NEK10: variants seen among roughly 807,000 people sequenced by gnomAD.
The protein encoded by NEK10 is NIMA related kinase 10, also known as serine/threonine-protein kinase Nek10.
In NEK10, 122 loss-of-function variants were observed where a neutral mutation model predicts 159.8. The ratio of observed to expected loss-of-function variants is 0.76; its 90% CI spans 0.66 to 0.89. The LOEUF is 0.89. Ranked by LOEUF, NEK10 falls within the 40% of genes least tolerant of loss-of-function variation. NEK10 has a pLI of 0.00. For missense variants in NEK10, 1,342 were observed against 1,323.1 expected, an observed-to-expected ratio of 1.01 and a Z score of -0.22; for synonymous variants, 466 against 457.1, an observed-to-expected ratio of 1.02 and a Z score of -0.25.
Position 27,284,859 on chromosome 3 carries a change from A to T in NEK10, c.1892T>A (p.Leu631Gln), listed in dbSNP as rs1225846548. The change falls in exon 21 of 36, where the codon CTA becomes CAA. Residue 631 changes from leucine to glutamine, a missense_variant. Physicochemically the swap from Leu to Gln is moderately radical, Grantham distance 113 (BLOSUM62 -2). Transcript: ENST00000691995. ...GCATACCTGTATAAATATTTTCCATAGTCTTTCTTCAGTAAAATGGTGATG... is the reference window on the plus strand; with the variant it reads ...GCATACCTGTATAAATATTTTCCATTGTCTTTCTTCAGTAAAATGGTGATG... The part of the protein sequence containing the change: ...EKHHHFTEER[L>Q]WKIFIQLCLA... 4 of 1,584,860 alleles carry T rather than the reference A, an allele frequency of 2.5e-6. No individual in the cohort carries two copies. In the South Asian group the frequency reaches 4.4e-5, roughly 18 times the overall value.
At chr3:27,280,087 C>T (rs1188802980) in intron 22 of NEK10, among the ~76,000 whole-genome samples, 1 of 112,370 alleles carries the variant, frequency 8.9e-6, no homozygotes, top group African/African-American at 4.3e-5. Flanking sequence ...CTCAAACCCC[C>T]TAAAATGGAA....
At chr3:27,201,262 G>C (rs890884363) in intron 25 of NEK10, among the ~76,000 whole-genome samples, 4 of 152,080 alleles carry the variant, frequency 2.6e-5, no homozygotes, top group Admixed American at 6.6e-5. Context: ...GTGTTTTACA[G>C]GTTGTTACAA....
intron 11 of NEK10, 137 bp from the exon 12 acceptor site, chr3:27,305,108 G>T: frequency 1.6e-6 from 1 of 628,408 alleles, no homozygotes. Flanking sequence ...GCCATTTTCT[G>T]TAAGGAGCCC....
At chr3:27,177,016 TC>T (rs1947565045) in intron 26 of NEK10, among the ~76,000 whole-genome samples, 1 of 151,672 alleles carries the variant, frequency 6.6e-6, no homozygotes, top group Non-Finnish European at 1.5e-5. Flanking sequence ...GAAGCTGGAG[TC>T]CCCGCTGAAA....
In NEK10 at chr3:27,337,323, A is replaced by G. The variant is rs140741813; in HGVS notation, c.362+6949T>C. 3.3e-5 allele frequency among the ~76,000 whole-genome samples: 5 copies of G among 152,326 alleles called. No homozygotes were observed. The East Asian group carries it at 9.6e-4, about 29-fold the overall frequency. ...AAAACACTGATGAAAGAAACTAAGG[A>G]GGACACAAAGGAAAGACATTCCATG... On this transcript the variant is annotated intron_variant, in intron 5 of 35. Coordinates refer to ENST00000691995, the MANE Select transcript of NEK10 (RefSeq NM_001394966.1).
intron 3 of NEK10, among the ~76,000 whole-genome samples, chr3:27,351,772 C>A (rs1174860053): frequency 6.6e-6 from 1 of 151,970 alleles, no homozygotes. Context: ...AAGTCCCATC[C>A]CTTCCATTTA....
intron 22 of NEK10, among the ~76,000 whole-genome samples, chr3:27,264,882 G>A (rs115720136): frequency 0.025 from 3,732 of 146,576 alleles, 156 homozygotes; most frequent in African/African-American, 0.091. Context: ...CAACATGAGC[G>A]AAAATCAGTC....
At chr3:27,271,475 G>A (rs1479233809) in intron 22 of NEK10, among the ~76,000 whole-genome samples, 1 of 152,014 alleles carries the variant, frequency 6.6e-6, no homozygotes. Flanking sequence ...TAATGCTTTG[G>A]CTTTTCTTTC....
intron 30 of NEK10, among the ~76,000 whole-genome samples, chr3:27,153,078 T>G (rs1200688501): frequency 1.3e-5 from 2 of 151,984 alleles, no homozygotes; most frequent in African/African-American, 4.8e-5. Context: ...TCCCAGCACT[T>G]TGGGAGGCCA....
intron 5 of NEK10, among the ~76,000 whole-genome samples, chr3:27,343,894 G>C (rs1005572342): frequency 6.6e-6 from 1 of 152,194 alleles, no homozygotes; most frequent in Admixed American, 6.5e-5. Context: ...CAAGATCAAG[G>C]CTTGCGCAGT....
At chr3:27,134,344 T>C (rs138263964) in intron 31 of NEK10, among the ~76,000 whole-genome samples, 2 of 152,198 alleles carry the variant, frequency 1.3e-5, no homozygotes, top group African/African-American at 4.8e-5. Flanking sequence ...GCACCAAAAG[T>C]TGCCACTTCC....
At chr3:27,363,649 G>T (rs1263494313) in intron 1 of NEK10, 2 of 152,126 alleles carry the variant, frequency 1.3e-5, no homozygotes, top group Non-Finnish European at 2.9e-5. Flanking sequence ...ACAAAGAAAA[G>T]AATATAAAGT....
chr3:27,150,933 CCCT>C (rs1458438689), intron 30 of NEK10, among the ~76,000 whole-genome samples: 1 of 152,158 alleles, frequency 6.6e-6, no homozygotes, highest in African/African-American at 2.4e-5. Context: ...GATTCACAGA[CCCT>C]CTGAAGGAAG....
chr3:27,304,776 G>C lies in NEK10; in HGVS notation c.999C>G (p.Gly333=). ...ETSVEIRIWG[G]IKQLLHILQG... ...GTAAAATATGAAGAAGCTGTTTGATGCCTCCCCAAATGCGAATTTCCACGC... is the reference window on the plus strand; with the variant it reads ...GTAAAATATGAAGAAGCTGTTTGATCCCTCCCCAAATGCGAATTTCCACGC... Residue 333 remains glycine (G), a synonymous_variant, in exon 12 of 36, where the codon GGC becomes GGG. Coordinates refer to ENST00000691995, the MANE Select transcript of NEK10 (RefSeq NM_001394966.1). The C allele has an allele frequency of 1.2e-6, 2 of 1,613,408 alleles. No individual in the cohort carries two copies. Among genetic ancestry groups the C allele is most frequent in the South Asian group, 2.2e-5 (2 of 91,074 alleles).
chr3:27,255,892 A>G (rs1478668023), intron 23 of NEK10, among the ~76,000 whole-genome samples: 1 of 152,184 alleles, frequency 6.6e-6, no homozygotes, highest in Admixed American at 6.5e-5. Context: ...CCTGCACTTG[A>G]ATGTTTATAG....
intron 5 of NEK10, among the ~76,000 whole-genome samples, chr3:27,331,262 A>AAAAAACACAC: frequency 9.1e-6 from 1 of 110,080 alleles, no homozygotes; most frequent in African/African-American, 2.9e-5. Context: ...AAAAAAAAAA[A>AAAAAACACAC]ACACACAAAC....
At chr3:27,332,650 A>G (rs950102053) in intron 5 of NEK10, among the ~76,000 whole-genome samples, 3 of 152,262 alleles carry the variant, frequency 2.0e-5, no homozygotes, top group African/African-American at 7.2e-5. Context: ...CACGTCAGCA[A>G]GGAATGGACT....
intron 29 of NEK10, among the ~76,000 whole-genome samples, chr3:27,163,648 G>A (rs1946228108): frequency 1.3e-5 from 2 of 152,044 alleles, no homozygotes; most frequent in South Asian, 4.2e-4. Flanking sequence ...CACCACGCCC[G>A]GCCTAGAACC....
chr3:27,178,046 C>A (rs183641163), intron 26 of NEK10, among the ~76,000 whole-genome samples: 310 of 152,180 alleles, frequency 2.0e-3, no homozygotes, highest in Non-Finnish European at 3.6e-3. Context: ...ATCAATACGG[C>A]GGCAAGGAGA....
Sources: allele counts gnomAD v4.1 joint callset (sites outside exome capture counted in the v4.1 genomes callset), GRCh38; gene constraint gnomAD v4.1.1; transcripts MANE v1.5; gene names NCBI Gene and HGNC (gene_info 2026-07-23, HGNC 2026-07-21).